Variants in CWC27 observed in about 807,000 individuals in gnomAD.
CWC27 encodes spliceosome-associated protein CWC27 homolog.
Under a neutral mutation model 63.6 loss-of-function variants are expected in CWC27, and 47 were observed. That is an observed-to-expected ratio of 0.74 (90% CI 0.58 to 0.94). The LOEUF (loss-of-function observed/expected upper bound fraction) is 0.94, where lower values mean the gene tolerates loss of function less well. Ranked by LOEUF, CWC27 falls within the 40% of genes least tolerant of loss-of-function variation. CWC27 has a pLI of 0.00. For synonymous variants in CWC27, 175 were observed against 179.8 expected (o/e 0.97, Z 0.22); for missense variants, 495 against 554.3 (o/e 0.89, Z 1.07).
At chr5:64,871,085 A>G (rs1250833607) in intron 10 of CWC27, among the ~76,000 whole-genome samples, 1 of 152,092 alleles carries the variant, frequency 6.6e-6, no homozygotes, top group African/African-American at 2.4e-5. Flanking sequence ...AAATCCCATG[A>G]TATTATAATA....
intron 13 of CWC27, among the ~76,000 whole-genome samples, chr5:64,990,031 C>T (rs1193571373): frequency 6.6e-6 from 1 of 151,690 alleles, no homozygotes; most frequent in Admixed American, 6.6e-5. Context: ...ACTCTAAAAG[C>T]TTGTTGCTAA....
intron 13 of CWC27, among the ~76,000 whole-genome samples, chr5:64,982,442 C>A (rs1034031644): frequency 2.6e-5 from 4 of 151,948 alleles, no homozygotes; most frequent in Non-Finnish European, 1.5e-5. Context: ...TCCACCTCAG[C>A]CTCCCAAGTA....
chr5:64,905,184 G>C (rs905643428), intron 11 of CWC27, among the ~76,000 whole-genome samples: 1 of 117,612 alleles, frequency 8.5e-6, no homozygotes, highest in South Asian at 2.9e-4. Context: ...CTGGGCGACA[G>C]AGCCACACTA....
chr5:64,995,155 A>G (rs1749609579), intron 13 of CWC27, among the ~76,000 whole-genome samples: 1 of 152,018 alleles, frequency 6.6e-6, no homozygotes, highest in African/African-American at 2.4e-5. Flanking sequence ...TATTTTTAGT[A>G]GAGACAGGGT....
In CWC27 at chr5:64,930,821, T is replaced by C. The variant is rs572720904; in HGVS notation, c.1043-40882T>C. On this transcript the variant is annotated intron_variant, in intron 11 of 13. Coordinates refer to ENST00000381070, the MANE Select transcript of CWC27 (RefSeq NM_005869.4). ...CACCATATGTCTCTTAACAGTACCC[T>C]GAGAAGAACATACAATCACTTGTGT... 3.3e-5 allele frequency among the ~76,000 whole-genome samples: 5 copies of C among 152,252 alleles called. No individual in the cohort carries two copies. The South Asian group carries it at 1.0e-3, about 32-fold the overall frequency.
chr5:65,003,816 G>A (rs916040782), intron 13 of CWC27, among the ~76,000 whole-genome samples: 1 of 150,422 alleles, frequency 6.6e-6, no homozygotes, highest in African/African-American at 2.4e-5. Context: ...TTTGCTCTTG[G>A]TGTTTATAAA....
At chr5:64,860,195 C>T (rs1386434083) in intron 10 of CWC27, among the ~76,000 whole-genome samples, 1 of 152,060 alleles carries the variant, frequency 6.6e-6, no homozygotes, top group Non-Finnish European at 1.5e-5. Flanking sequence ...CAAGTCCTTA[C>T]AATTTAATAA....
At chr5:64,965,226 T>C (rs534894015) in intron 11 of CWC27, among the ~76,000 whole-genome samples, 1 of 152,360 alleles carries the variant, frequency 6.6e-6, no homozygotes, top group Non-Finnish European at 1.5e-5. Flanking sequence ...GATTTACCCA[T>C]TCTGCCCTGA....
intron 11 of CWC27, among the ~76,000 whole-genome samples, chr5:64,906,765 T>C (rs895995379): frequency 1.3e-5 from 2 of 152,222 alleles, no homozygotes; most frequent in Non-Finnish European, 2.9e-5. Context: ...TCCTGAATGG[T>C]ATTGCCTAGG....
At chr5:64,927,962 C>A (rs970825379) in intron 11 of CWC27, among the ~76,000 whole-genome samples, 1 of 152,124 alleles carries the variant, frequency 6.6e-6, no homozygotes. Flanking sequence ...CGAGACCAGC[C>A]TGGACAACAT....
intron 10 of CWC27, among the ~76,000 whole-genome samples, chr5:64,875,530 T>C (rs1466482984): frequency 6.6e-6 from 1 of 152,184 alleles, no homozygotes. Context: ...CTTTGTTGAC[T>C]CGCTTATTCC....
intron 10 of CWC27, among the ~76,000 whole-genome samples, chr5:64,836,162 T>C (rs763970237): frequency 4.6e-5 from 7 of 151,902 alleles, no homozygotes; most frequent in Non-Finnish European, 8.8e-5. Flanking sequence ...ATAATAATGG[T>C]ATAATTTAGT....
chr5:64,919,826 A>G (rs989913999), intron 11 of CWC27, among the ~76,000 whole-genome samples: 3 of 152,168 alleles, frequency 2.0e-5, no homozygotes, highest in Admixed American at 2.0e-4. Flanking sequence ...GTTGTTATCA[A>G]TGTATAGAAA....
chr5:64,832,286 T>A (rs1220864932), intron 10 of CWC27, among the ~76,000 whole-genome samples: 1 of 151,916 alleles, frequency 6.6e-6, no homozygotes, highest in Admixed American at 6.6e-5. Context: ...CATTTGTTAA[T>A]GTCATCCCTT....
chr5:64,818,249 G>C (rs1745099498), intron 10 of CWC27, among the ~76,000 whole-genome samples: 1 of 152,078 alleles, frequency 6.6e-6, no homozygotes, highest in Non-Finnish European at 1.5e-5. Flanking sequence ...TAGATCAAAG[G>C]TATGTATGTA....
intron 11 of CWC27, among the ~76,000 whole-genome samples, chr5:64,921,586 C>G (rs943921818): frequency 1.3e-5 from 2 of 152,124 alleles, no homozygotes; most frequent in South Asian, 2.1e-4. Flanking sequence ...AGGCAGCAGA[C>G]AGTTGGGTCT....
At chr5:64,908,181 G>A (rs1407101738) in intron 11 of CWC27, among the ~76,000 whole-genome samples, 1 of 152,204 alleles carries the variant, frequency 6.6e-6, no homozygotes, top group Non-Finnish European at 1.5e-5. Context: ...TAGTTTCCAT[G>A]TAGTTGTGTG....
At chr5:64,894,535 A>T (rs1283772174) in intron 11 of CWC27, among the ~76,000 whole-genome samples, 1 of 152,176 alleles carries the variant, frequency 6.6e-6, no homozygotes, top group Admixed American at 6.5e-5. Flanking sequence ...AAGATTACAC[A>T]TGTGATTTGG....
At chr5:64,842,626 A>G (rs1488403562) in intron 10 of CWC27, among the ~76,000 whole-genome samples, 2 of 125,688 alleles carry the variant, frequency 1.6e-5, no homozygotes, top group Non-Finnish European at 3.4e-5. Context: ...ATTAGATAGG[A>G]TCTTGCCCTG....
Sources: allele counts gnomAD v4.1 joint callset (sites outside exome capture counted in the v4.1 genomes callset), GRCh38; gene constraint gnomAD v4.1.1; transcripts MANE v1.5; gene names NCBI Gene and HGNC (gene_info 2026-07-23, HGNC 2026-07-21).